DSCC1: variants seen among roughly 807,000 people sequenced by gnomAD.
DSCC1 encodes sister chromatid cohesion protein DCC1.
Under a neutral mutation model 48.2 loss-of-function variants are expected in DSCC1, and 32 were observed. The ratio of observed to expected loss-of-function variants is 0.66; its 90% CI spans 0.50 to 0.89. The LOEUF is 0.89. DSCC1 is among the 40% of genes least tolerant of loss of function. DSCC1 has a pLI of 0.00. For missense variants in DSCC1, 421 were observed against 471.7 expected, an observed-to-expected ratio of 0.89 and a Z score of 1.00; for synonymous variants, 150 against 171.5, an observed-to-expected ratio of 0.87 and a Z score of 0.98.
chr8:119,838,105 G>A (rs1249337352), intron 8 of DSCC1, among the ~76,000 whole-genome samples, 154 bp downstream of exon 8: 1 of 152,144 alleles, frequency 6.6e-6, no homozygotes, highest in Non-Finnish European at 1.5e-5. Flanking sequence ...AATTATGGAG[G>A]ACAGAGAAGA....
At chr8:119,842,862 T>C (rs936842823) in intron 5 of DSCC1, 34 bp from the exon 6 acceptor site, 2 of 1,568,238 alleles carry the variant, frequency 1.3e-6, no homozygotes, top group Non-Finnish European at 1.7e-6. Flanking sequence ...TGAAAAGTTA[T>C]AAGCATTTTT....
At chr8:119,847,198 C>G (rs1826869838) in intron 3 of DSCC1, 118 bp from the exon 4 acceptor site, 1 of 768,402 alleles carries the variant, frequency 1.3e-6, no homozygotes, top group Non-Finnish European at 2.1e-6. Context: ...TGCACTAGCT[C>G]AGTTTCTTTT....
At position 119,838,367 on chromosome 8, in the gene DSCC1, ATGATTTC is replaced by A; in HGVS notation, c.958_964del (p.Glu320TyrfsTer4). 6.2e-7 allele frequency: 1 copy of A among 1,608,748 alleles called. No individual in the cohort carries two copies. On this transcript the variant is annotated frameshift_variant, in exon 8 of 9. Transcript: ENST00000313655. LOFTEE classifies it high-confidence loss of function. The stretch of plus-strand genomic sequence containing the variant: ...TAAATCATCTACTTTCAGCAAAAAT[ATGATTTC>A]TGGTCTCGAGTGTCTATCCACCAGC...
chr8:119,841,349 A>C (rs1289895243), intron 7 of DSCC1, among the ~76,000 whole-genome samples: 1 of 152,130 alleles, frequency 6.6e-6, no homozygotes, highest in Non-Finnish European at 1.5e-5. Flanking sequence ...ATTGGAAGGG[A>C]GCAAAATTAA....
chr8:119,843,467 T>A (rs1343197587), intron 5 of DSCC1, 142 bp downstream of exon 5: 7 of 1,252,938 alleles, frequency 5.6e-6, no homozygotes, highest in Admixed American at 2.6e-5. Context: ...TTCCCAAATC[T>A]TCTTCGGTTG....
At chr8:119,842,076 T>A in intron 6 of DSCC1, 128 bp from the exon 7 acceptor site, 1 of 1,093,400 alleles carries the variant, frequency 9.1e-7, no homozygotes, top group Non-Finnish European at 1.3e-6. Context: ...GACAACCCCA[T>A]AGTTCGTTTT....
rs781513854 is a variant in DSCC1, at chr8:119,838,285, T to C, written c.1047A>G (p.Thr349=). The change falls in exon 8 of 9, where the codon ACA becomes ACG. Residue 349 remains threonine, a synonymous_variant. Transcript: ENST00000313655. ...NSLFSLREKW[T]EEDIAPYIQD... ...GAATATATGGAGCAATATCTTCTTCTGTCCACTTCTCCCTTAGAGAGAAAA... is the reference window on the plus strand; with the variant it reads ...GAATATATGGAGCAATATCTTCTTCCGTCCACTTCTCCCTTAGAGAGAAAA... 5 of 1,600,790 alleles carry C rather than the reference T, an allele frequency of 3.1e-6. No homozygotes were observed. The African/African-American group carries it at 5.4e-5, about 17-fold the overall frequency.
At chr8:119,846,864 G>T in intron 4 of DSCC1, 126 bp downstream of exon 4, 1 of 927,844 alleles carries the variant, frequency 1.1e-6, no homozygotes, top group Non-Finnish European at 1.6e-6. Flanking sequence ...CGGCCCAAAT[G>T]ACACCATCCT....
intron 8 of DSCC1, among the ~76,000 whole-genome samples, chr8:119,837,773 TAA>T (rs1329277459): frequency 6.6e-6 from 1 of 152,008 alleles, no homozygotes; most frequent in Non-Finnish European, 1.5e-5. Context: ...TCGAGCTGGG[TAA>T]AGAGAAGAAA....
intron 8 of DSCC1, among the ~76,000 whole-genome samples, chr8:119,836,450 G>A (rs1826684997): frequency 6.6e-6 from 1 of 152,142 alleles, no homozygotes; most frequent in Non-Finnish European, 1.5e-5. Context: ...ATAGAACAGG[G>A]AGACCAATTC....
intron 8 of DSCC1, 57 bp downstream of exon 8, chr8:119,838,202 G>A (rs2131293132): frequency 1.4e-6 from 2 of 1,477,718 alleles, no homozygotes; most frequent in South Asian, 1.5e-5. Flanking sequence ...CTAAAATGCT[G>A]TGCCATTGAC....
chr8:119,852,991 T>C, intron 2 of DSCC1, 56 bp downstream of exon 2: 1 of 1,420,740 alleles, frequency 7.0e-7, no homozygotes, highest in Non-Finnish European at 9.3e-7. Flanking sequence ...AAGATCAAAT[T>C]ACCATATCTG....
intron 1 of DSCC1, among the ~76,000 whole-genome samples, chr8:119,854,244 TAAAG>T (rs1317771071): frequency 6.6e-5 from 10 of 151,136 alleles, no homozygotes; most frequent in Middle Eastern, 6.8e-3. Flanking sequence ...AAAAAAAAGA[TAAAG>T]AAAAAAGAAG....
At chr8:119,842,971 A>T in intron 5 of DSCC1, 143 bp from the exon 6 acceptor site, 1 of 685,850 alleles carries the variant, frequency 1.5e-6, no homozygotes, top group Non-Finnish European at 2.5e-6. Flanking sequence ...TATTTTATTT[A>T]AATTAGGAAC....
chr8:119,841,761 T>C (rs776327336), intron 7 of DSCC1, 33 bp downstream of exon 7: 1 of 1,599,234 alleles, frequency 6.3e-7, no homozygotes, highest in Non-Finnish European at 8.5e-7. Context: ...TAATCAACTG[T>C]TGAAGTAAGG....
intron 8 of DSCC1, among the ~76,000 whole-genome samples, chr8:119,837,000 G>C (rs950963258): frequency 3.3e-5 from 5 of 152,166 alleles, no homozygotes; most frequent in Non-Finnish European, 5.9e-5. Flanking sequence ...TAACCATTGA[G>C]TATAGAAAGA....
chr8:119,842,081 C>T (rs564018989), intron 6 of DSCC1, 133 bp from the exon 7 acceptor site: 38 of 979,678 alleles, frequency 3.9e-5, no homozygotes, highest in African/African-American at 5.6e-5. Flanking sequence ...CCCCATAGTT[C>T]GTTTTTTTTT....
intron 4 of DSCC1, among the ~76,000 whole-genome samples, chr8:119,844,271 C>G (rs1826818028): frequency 1.3e-5 from 2 of 151,792 alleles, no homozygotes; most frequent in African/African-American, 4.8e-5. Flanking sequence ...AACCCCATCT[C>G]GACTAAAAAT....
chr8:119,852,571 T>A (rs940822636), intron 2 of DSCC1, among the ~76,000 whole-genome samples: 1 of 152,100 alleles, frequency 6.6e-6, no homozygotes, highest in Admixed American at 6.5e-5. Flanking sequence ...CCCAGGCTAG[T>A]CTCAAACTCC....
Sources: gnomAD v4.1 joint callset for allele counts (sites outside exome capture counted in the v4.1 genomes callset) on GRCh38, gnomAD v4.1.1 for gene constraint, MANE v1.5 for transcripts, NCBI Gene and HGNC (gene_info 2026-07-23, HGNC 2026-07-21) for gene names.